Variants in LONRF2 observed in about 807,000 individuals in gnomAD.
LONRF2 encodes LON peptidase N-terminal domain and ring finger 2.
In LONRF2, 35 loss-of-function variants were observed where a neutral mutation model predicts 66.6. The observed-to-expected ratio is 0.53, with a 90% confidence interval of 0.40 to 0.70. The LOEUF is 0.70. Ranked by LOEUF, LONRF2 falls within the 30% of genes least tolerant of loss-of-function variation. The pLI is 0.00. For synonymous variants in LONRF2, 417 were observed against 418.1 expected, an observed-to-expected ratio of 1.00 and a Z score of 0.03; for missense variants, 902 against 1,002.1, an observed-to-expected ratio of 0.90 and a Z score of 1.35.
chr2:100,307,837 G>A (rs1486664362), intron 2 of LONRF2, among the ~76,000 whole-genome samples: 2 of 152,138 alleles, frequency 1.3e-5, no homozygotes, highest in Non-Finnish European at 2.9e-5. Context: ...TCTACATATT[G>A]CACCTGATAA....
At chr2:100,296,488 G>C (rs1675070220) in intron 7 of LONRF2, among the ~76,000 whole-genome samples, 1 of 152,284 alleles carries the variant, frequency 6.6e-6, no homozygotes, top group Non-Finnish European at 1.5e-5. Context: ...TCTTTCCTTG[G>C]TGGCCTGCTG....
At chr2:100,314,088 TG>T in intron 1 of LONRF2, among the ~76,000 whole-genome samples, 1 of 152,144 alleles carries the variant, frequency 6.6e-6, no homozygotes, top group East Asian at 1.9e-4. Flanking sequence ...CATATTTTGA[TG>T]GACATAAGCA....
At chr2:100,305,219 C>A (rs1336974074) in intron 2 of LONRF2, among the ~76,000 whole-genome samples, 2 of 152,212 alleles carry the variant, frequency 1.3e-5, no homozygotes, top group African/African-American at 4.8e-5. Context: ...AACAAAAAAC[C>A]CACACACAAT....
intron 1 of LONRF2, among the ~76,000 whole-genome samples, chr2:100,320,737 T>C (rs1675603784): frequency 6.6e-6 from 1 of 152,234 alleles, no homozygotes. Context: ...AGTTTGGTCT[T>C]CCTTTCAGCT....
At chr2:100,288,091 C>T (rs368348777) in intron 10 of LONRF2, among the ~76,000 whole-genome samples, 2 of 152,188 alleles carry the variant, frequency 1.3e-5, no homozygotes, top group Admixed American at 6.5e-5. Context: ...AAAATAAGCG[C>T]ATACACTATT....
chr2:100,307,155 C>T (rs1038633768), intron 2 of LONRF2, among the ~76,000 whole-genome samples: 4 of 152,072 alleles, frequency 2.6e-5, no homozygotes, highest in Non-Finnish European at 5.9e-5. Context: ...CTCCTGACCT[C>T]GTGATCCGCC....
intron 1 of LONRF2, among the ~76,000 whole-genome samples, chr2:100,309,882 A>C (rs1429150739): frequency 6.6e-6 from 1 of 152,118 alleles, no homozygotes; most frequent in Non-Finnish European, 1.5e-5. Context: ...CATGTTGGCC[A>C]GGCTGGTGTC....
chr2:100,312,974 G>A (rs899232907), intron 1 of LONRF2, among the ~76,000 whole-genome samples: 3 of 152,152 alleles, frequency 2.0e-5, no homozygotes, highest in African/African-American at 4.8e-5. Context: ...ATTTCAGTAG[G>A]TTCACCAATT....
intron 11 of LONRF2, among the ~76,000 whole-genome samples, 195 bp downstream of exon 11, chr2:100,286,719 A>G (rs187614786): frequency 6.6e-6 from 1 of 152,312 alleles, no homozygotes; most frequent in East Asian, 1.9e-4. Context: ...TCTGTTAGAG[A>G]GCCTTTGTTG....
chr2:100,309,703 C>T (rs771303061), intron 1 of LONRF2, among the ~76,000 whole-genome samples: 10 of 151,982 alleles, frequency 6.6e-5, no homozygotes, highest in Admixed American at 2.0e-4. Context: ...CATCGAGTCT[C>T]GCTCTGTCAC....
chr2:100,298,748 G>T, intron 7 of LONRF2, 88 bp downstream of exon 7: 2 of 889,898 alleles, frequency 2.2e-6, no homozygotes, highest in South Asian at 1.5e-5. Context: ...TTAACAACTG[G>T]GTGGGGGAAG....
intron 9 of LONRF2, among the ~76,000 whole-genome samples, chr2:100,291,498 C>A (rs868560346): frequency 6.6e-6 from 1 of 151,996 alleles, no homozygotes; most frequent in Non-Finnish European, 1.5e-5. Context: ...ACCAAAGTGC[C>A]GTGGAAAGCA....
chr2:100,298,584 T>C (rs931691510), intron 7 of LONRF2, among the ~76,000 whole-genome samples: 2 of 152,238 alleles, frequency 1.3e-5, no homozygotes. Context: ...GGGTTCATAA[T>C]GTTAGCTATT....
At chr2:100,318,154 T>C (rs971379988) in intron 1 of LONRF2, among the ~76,000 whole-genome samples, 30 of 152,226 alleles carry the variant, frequency 2.0e-4, no homozygotes, top group Non-Finnish European at 1.5e-5. Flanking sequence ...TTTAGTCTTC[T>C]TCTGTGATTC....
rs774793589 is a variant in LONRF2 at position 100,307,582 on chromosome 2, G to A, written c.798+1525C>T. On this transcript the variant is annotated intron_variant, in intron 2 of 11. Coordinates refer to ENST00000393437, the MANE Select transcript of LONRF2 (RefSeq NM_198461.4). ...ATAGAAATTAGCTCAGAAGAAGAGT[G>A]GCAGGGGAGAGGAATTGGGGCGACG... Among the ~76,000 whole-genome samples, 13 of 152,144 alleles carry A rather than the reference G, an allele frequency of 8.5e-5. No individual in the cohort carries two copies. The South Asian group carries it at 1.0e-3, about 12-fold the overall frequency.
At chr2:100,288,333 G>C (rs1038438435) in intron 10 of LONRF2, among the ~76,000 whole-genome samples, 1 of 152,202 alleles carries the variant, frequency 6.6e-6, no homozygotes, top group African/African-American at 2.4e-5. Context: ...CAAATCCTAA[G>C]TGTACACCAC....
chr2:100,306,482 A>G (rs1675293247), intron 2 of LONRF2, among the ~76,000 whole-genome samples: 1 of 152,202 alleles, frequency 6.6e-6, no homozygotes, highest in African/African-American at 2.4e-5. Context: ...CTTTTAAGTA[A>G]TTTTAAGTCT....
rs760676537 is a variant in LONRF2, at chr2:100,281,076, C to A, written c.*3222G>T. 7.2e-5 allele frequency: 11 copies of A among 152,114 alleles called. No homozygotes were observed. The highest frequency in any genetic ancestry group is 1.2e-4 in the African/African-American group (5 of 41,420). The allele number at this position is 152,114 out of a possible 1,614,324, so 9.4% of individuals were successfully genotyped here. Reference sequence around the variant, plus strand: ...AAGCCCTTAAAAATTATAACAAATTCTATGTAACACAGGCAATGGAGTATT... The same window carrying A: ...AAGCCCTTAAAAATTATAACAAATTATATGTAACACAGGCAATGGAGTATT... On this transcript the variant is annotated 3_prime_UTR_variant, in exon 12 of 12. Transcript: ENST00000393437.
At chr2:100,304,408 T>C (rs951260070) in intron 2 of LONRF2, among the ~76,000 whole-genome samples, 3 of 151,742 alleles carry the variant, frequency 2.0e-5, no homozygotes, top group Non-Finnish European at 4.4e-5. Context: ...TCCCAAAGCA[T>C]TGGGCATACA....
Sources: gnomAD v4.1 joint callset for allele counts (sites outside exome capture counted in the v4.1 genomes callset) on GRCh38, gnomAD v4.1.1 for gene constraint, MANE v1.5 for transcripts, NCBI Gene and HGNC (gene_info 2026-07-23, HGNC 2026-07-21) for gene names.